Variants in SLC14A2 observed in about 807,000 individuals in gnomAD.
The protein encoded by SLC14A2 is solute carrier family 14 member 2.
Under a neutral mutation model 104.6 loss-of-function variants are expected in SLC14A2, and 91 were observed. The ratio of observed to expected loss-of-function variants is 0.87; its 90% confidence interval spans 0.73 to 1.04. SLC14A2 has a LOEUF of 1.04. Ranked by LOEUF, SLC14A2 falls within the 50% of genes least tolerant of loss-of-function variation. The pLI is 0.00. For missense variants in SLC14A2, 1,189 were observed against 1,156.0 expected, an observed-to-expected ratio of 1.03 and a Z score of -0.41; for synonymous variants, 476 against 466.4, an observed-to-expected ratio of 1.02 and a Z score of -0.27.
At position 45,600,719 on chromosome 18, in the gene SLC14A2, C is replaced by T. The variant is rs531162308; in HGVS notation, c.-34-23912C>T. Among the ~76,000 whole-genome samples, 8 of 152,290 alleles carry T rather than the reference C, an allele frequency of 5.3e-5. No homozygotes were observed. The South Asian group carries it at 1.7e-3, about 32-fold the overall frequency. On this transcript the variant is annotated intron_variant, in intron 2 of 20. Coordinates refer to the SLC14A2 transcript ENST00000586448. ...CTCAAGAACCATGAACCAAGGGAGG[C>T]AGCAGGAGGTAGGACTGAGTGTGAG...
At chr18:45,505,449 G>A (rs1303251815) in intron 2 of SLC14A2, among the ~76,000 whole-genome samples, 3 of 152,136 alleles carry the variant, frequency 2.0e-5, no homozygotes, top group Non-Finnish European at 1.5e-5. Context: ...GAGCCCACAG[G>A]GTAATATTCC....
At chr18:45,249,891 G>T (rs1264420355) in intron 1 of SLC14A2, among the ~76,000 whole-genome samples, 1 of 152,128 alleles carries the variant, frequency 6.6e-6, no homozygotes, top group African/African-American at 2.4e-5. Flanking sequence ...CAAGGGTGCA[G>T]TGAGCTATGA....
At chr18:45,413,472 T>A (rs1239984728) in intron 1 of SLC14A2, among the ~76,000 whole-genome samples, 1 of 152,292 alleles carries the variant, frequency 6.6e-6, no homozygotes, top group Non-Finnish European at 1.5e-5. Flanking sequence ...AGTGATACTA[T>A]TTTGGCATTC....
In SLC14A2 at chr18:45,518,830, C is replaced by T. The variant is rs1014424703; in HGVS notation, c.-35+35508C>T. On this transcript the variant is annotated intron_variant, in intron 2 of 20. Coordinates refer to the SLC14A2 transcript ENST00000586448. ...CCTCTTCAACAGAGGGCCACCTTAG[C>T]TCCTTCTCCCTGGAGAGCAAAGGCC... Among the ~76,000 whole-genome samples the T allele has an allele frequency of 2.0e-5, 3 of 152,336 alleles. No individual in the cohort carries two copies. The South Asian group carries it at 6.2e-4, about 32-fold the overall frequency.
rs1165626267 is a variant in SLC14A2 at position 45,649,179 on chromosome 18, CA to C, written c.1351+5025del. Among the ~76,000 whole-genome samples, 10 of 84,296 alleles carry C rather than the reference CA, an allele frequency of 1.2e-4. No individual in the cohort carries two copies. The South Asian group carries it at 3.3e-3, about 27-fold the overall frequency. 55.3% of individuals were successfully genotyped at this position (84,296 alleles called of 152,430 possible). A position where few individuals can be genotyped will look rare whatever the true frequency, so the allele number is the denominator to read the frequency against. On this transcript the variant is annotated intron_variant, in intron 10 of 19. Transcript: ENST00000255226. ...AGCGAGTGAGACTCTGTCTCAAAAA[CA>C]AAAAACAAAAACAAAAAGGCATATT...
chr18:45,376,491 A>G (rs555553494), intron 1 of SLC14A2, among the ~76,000 whole-genome samples: 2 of 152,156 alleles, frequency 1.3e-5, no homozygotes, highest in Non-Finnish European at 2.9e-5. Flanking sequence ...GCTAAGGGTT[A>G]CTGAGAATTA....
chr18:45,670,347 T>C (rs141256541), intron 16 of SLC14A2, among the ~76,000 whole-genome samples: 204 of 152,294 alleles, frequency 1.3e-3, no homozygotes, highest in African/African-American at 4.7e-3. Context: ...GCACTCACAG[T>C]ATTAAGTCAG....
chr18:45,180,869 T>A, the SLC14A2 span: 2 of 152,072 alleles, frequency 1.3e-5, no homozygotes, highest in African/African-American at 4.8e-5. Flanking sequence ...AATAAAAAAG[T>A]TTACTGAAGC....
intron 1 of SLC14A2, among the ~76,000 whole-genome samples, chr18:45,344,357 C>T (rs1213585926): frequency 6.6e-6 from 1 of 152,154 alleles, no homozygotes; most frequent in African/African-American, 2.4e-5. Context: ...CTTCCAACAC[C>T]AGCCAAAAGT....
chr18:45,433,976 A>G (rs1383530915), intron 1 of SLC14A2, among the ~76,000 whole-genome samples: 1 of 152,206 alleles, frequency 6.6e-6, no homozygotes, highest in Non-Finnish European at 1.5e-5. Flanking sequence ...ATACTTACTC[A>G]GGGCTCCTGT....
chr18:45,480,754 C>T (rs2087476769), intron 1 of SLC14A2, among the ~76,000 whole-genome samples: 1 of 152,222 alleles, frequency 6.6e-6, no homozygotes, highest in Non-Finnish European at 1.5e-5. Context: ...TTGCCAGGAA[C>T]AGTCCCAATT....
At chr18:45,222,210 G>A (rs1175342947) in intron 1 of SLC14A2, among the ~76,000 whole-genome samples, 1 of 152,216 alleles carries the variant, frequency 6.6e-6, no homozygotes, top group African/African-American at 2.4e-5. Context: ...TGGACCGTAT[G>A]AATGTTTAGG....
intron 2 of SLC14A2, among the ~76,000 whole-genome samples, chr18:45,565,212 C>G (rs901664029): frequency 6.6e-6 from 1 of 151,668 alleles, no homozygotes; most frequent in Non-Finnish European, 1.5e-5. Context: ...GCAAGCTCCG[C>G]CTCCCGGGTT....
chr18:45,393,073 A>G (rs1806081510), intron 1 of SLC14A2, among the ~76,000 whole-genome samples: 1 of 152,228 alleles, frequency 6.6e-6, no homozygotes, highest in Admixed American at 6.5e-5. Context: ...TTGACCTTAG[A>G]GTATAGGTTG....
chr18:45,406,638 A>G (rs191067498), intron 1 of SLC14A2, among the ~76,000 whole-genome samples: 27 of 152,340 alleles, frequency 1.8e-4, no homozygotes, highest in Admixed American at 7.2e-4. Context: ...TATTTCTTAA[A>G]TAATAAAACT....
chr18:45,434,469 T>TTTG lies in SLC14A2; in HGVS notation c.-124-48746_-124-48744dup, dbSNP rs148118832. The stretch of plus-strand genomic sequence containing the variant: ...ATTTCATCAGGAAATTTTGCAGAGC[T>TTTG]TTGTTGTTGTTGTTGTTGTTTGCAT... On this transcript the variant is annotated intron_variant, in intron 1 of 20. Coordinates refer to the SLC14A2 transcript ENST00000586448. 8.6e-5 allele frequency among the ~76,000 whole-genome samples: 13 copies of TTTG among 151,518 alleles called. No individual in the cohort carries two copies. The East Asian group carries it at 2.0e-3, about 23-fold the overall frequency.
chr18:45,472,344 C>T (rs1489685029), intron 1 of SLC14A2, among the ~76,000 whole-genome samples: 2 of 152,180 alleles, frequency 1.3e-5, no homozygotes, highest in African/African-American at 2.4e-5. Flanking sequence ...TACACGTATG[C>T]ATATGTCTTT....
At chr18:45,427,752 A>T (rs995303674) in intron 1 of SLC14A2, among the ~76,000 whole-genome samples, 1 of 152,132 alleles carries the variant, frequency 6.6e-6, no homozygotes, top group African/African-American at 2.4e-5. Context: ...GAAGAAACGG[A>T]TGTGAGGAAA....
At chr18:45,282,789 C>T (rs1230232710) in intron 1 of SLC14A2, among the ~76,000 whole-genome samples, 2 of 152,090 alleles carry the variant, frequency 1.3e-5, no homozygotes, top group Admixed American at 6.6e-5. Context: ...TTGGTTTGCT[C>T]TAATTTATTT....
Sources: allele counts gnomAD v4.1 joint callset (sites outside exome capture counted in the v4.1 genomes callset), GRCh38; gene constraint gnomAD v4.1.1; transcripts MANE v1.5; gene names NCBI Gene and HGNC (gene_info 2026-07-23, HGNC 2026-07-21).